The following PDE4B variants were observed in gnomAD, a reference collection of about 807,000 sequenced individuals.
PDE4B encodes phosphodiesterase 4B, also known as 3',5'-cyclic-AMP phosphodiesterase 4B.
A neutral mutation model predicts 82.2 loss-of-function variants in PDE4B; 20 were observed. The ratio of observed to expected loss-of-function variants is 0.24; its 90% CI spans 0.17 to 0.35. The LOEUF (loss-of-function observed/expected upper bound fraction) is 0.35, where lower values mean the gene tolerates loss of function less well. Ranked by LOEUF, PDE4B falls within the 10% of genes least tolerant of loss-of-function variation. PDE4B has a pLI of 1.00. For missense variants in PDE4B, 655 were observed against 907.2 expected (o/e 0.72, Z 3.57); for synonymous variants, 320 against 318.9 (o/e 1.00, Z -0.04).
intron 3 of PDE4B, among the ~76,000 whole-genome samples, chr1:66,203,186 T>G (rs1017650059): frequency 4.9e-4 from 75 of 152,156 alleles, no homozygotes; most frequent in East Asian, 5.8e-4. Flanking sequence ...CCCACTGTCT[T>G]CTGGCTTGTA....
intron 8 of PDE4B, among the ~76,000 whole-genome samples, chr1:66,340,572 T>C (rs566179801): frequency 6.6e-6 from 1 of 152,294 alleles, no homozygotes; most frequent in Non-Finnish European, 1.5e-5. Flanking sequence ...TTTCATCTTC[T>C]AATTTTTTTA....
chr1:66,104,798 C>A (rs1322692200), intron 3 of PDE4B, among the ~76,000 whole-genome samples: 1 of 149,300 alleles, frequency 6.7e-6, no homozygotes, highest in Non-Finnish European at 1.5e-5. Context: ...TTGTTTTTTT[C>A]TTGTACATTT....
At chr1:66,097,799 C>T (rs1044576868) in intron 3 of PDE4B, among the ~76,000 whole-genome samples, 17 of 149,690 alleles carry the variant, frequency 1.1e-4, no homozygotes, top group African/African-American at 3.4e-4. Context: ...TGTTTATTGT[C>T]CTCGTTTTTC....
At chr1:66,152,633 TAC>T (rs141660761) in intron 3 of PDE4B, 5,217 of 143,600 alleles carry the variant, frequency 0.036, 258 homozygotes, top group African/African-American at 0.11. Context: ...TATATGTGTA[TAC>T]ACACACACAC....
intron 3 of PDE4B, among the ~76,000 whole-genome samples, chr1:66,009,905 T>TTATC (rs80200150): frequency 2.5e-4 from 33 of 130,472 alleles, no homozygotes; most frequent in African/African-American, 8.8e-4. Flanking sequence ...ATCTGTATCT[T>TTATC]TATCTATCTA....
At chr1:66,229,167 C>T (rs889238943) in intron 3 of PDE4B, among the ~76,000 whole-genome samples, 3 of 107,082 alleles carry the variant, frequency 2.8e-5, no homozygotes, top group African/African-American at 4.1e-5. Context: ...ACCACCATGC[C>T]CGGCTAATTT....
intron 3 of PDE4B, among the ~76,000 whole-genome samples, chr1:65,986,364 T>G (rs995703805): frequency 2.6e-5 from 4 of 152,200 alleles, no homozygotes; most frequent in Non-Finnish European, 5.9e-5. Flanking sequence ...ACTCTTCTTA[T>G]GGAAGTTGAG....
At chr1:66,106,614 G>A (rs1291442882) in intron 3 of PDE4B, among the ~76,000 whole-genome samples, 2 of 151,588 alleles carry the variant, frequency 1.3e-5, no homozygotes, top group Admixed American at 1.3e-4. Context: ...CACAATTTCA[G>A]AGCCTGTTAT....
At chr1:66,332,486 A>G (rs1221797483) in intron 7 of PDE4B, 22 bp from the exon 8 acceptor site, 4 of 1,614,140 alleles carry the variant, frequency 2.5e-6, no homozygotes, top group African/African-American at 1.3e-5. Flanking sequence ...GCCTAACTAC[A>G]TGCCTGTGTG....
chr1:66,237,870 G>C (rs1221034399), intron 3 of PDE4B, among the ~76,000 whole-genome samples: 1 of 152,168 alleles, frequency 6.6e-6, no homozygotes, highest in African/African-American at 2.4e-5. Flanking sequence ...TATGTCCCAG[G>C]AAAGTGCCAG....
chr1:66,206,135 C>T (rs1649531453), intron 3 of PDE4B, among the ~76,000 whole-genome samples: 1 of 152,226 alleles, frequency 6.6e-6, no homozygotes, highest in African/African-American at 2.4e-5. Flanking sequence ...TACTGCTCCT[C>T]ACCATGGCCT....
chr1:65,989,893 A>T (rs200455620), intron 3 of PDE4B, among the ~76,000 whole-genome samples: 201 of 142,464 alleles, frequency 1.4e-3, no homozygotes, highest in Middle Eastern at 3.6e-3. Context: ...AAAGTGTCTC[A>T]TTTTTTTTTT....
chr1:66,332,219 A>G, intron 7 of PDE4B: 2 of 1,442,840 alleles, frequency 1.4e-6, no homozygotes, highest in Non-Finnish European at 1.8e-6. Context: ...AGCTTATAAG[A>G]GACCGTTCCC....
chr1:66,144,329 G>A (rs1570335302), intron 3 of PDE4B, among the ~76,000 whole-genome samples: 1 of 152,172 alleles, frequency 6.6e-6, no homozygotes, highest in East Asian at 1.9e-4. Context: ...AAAGGTATAT[G>A]ATGAGACCCT....
intron 8 of PDE4B, among the ~76,000 whole-genome samples, chr1:66,346,516 A>C (rs1034267381): frequency 1.1e-4 from 16 of 152,172 alleles, no homozygotes; most frequent in African/African-American, 3.1e-4. Flanking sequence ...TGCTTCATCT[A>C]TCTTTCTGGC....
intron 3 of PDE4B, among the ~76,000 whole-genome samples, chr1:66,168,051 C>T (rs773595879): frequency 2.0e-5 from 3 of 152,164 alleles, no homozygotes; most frequent in Non-Finnish European, 4.4e-5. Flanking sequence ...TCACTCTGAC[C>T]CAAAATATTA....
chr1:65,860,460 G>C (rs1044537051), intron 1 of PDE4B, among the ~76,000 whole-genome samples: 15 of 152,156 alleles, frequency 9.9e-5, no homozygotes, highest in Non-Finnish European at 1.5e-5. Context: ...TGGGCATTTG[G>C]GTTGGTTCGA....
At chr1:66,250,015 TG>T (rs1314909588) in intron 4 of PDE4B, among the ~76,000 whole-genome samples, 1 of 152,246 alleles carries the variant, frequency 6.6e-6, no homozygotes, top group Non-Finnish European at 1.5e-5. Flanking sequence ...CACAACACGC[TG>T]AGAAGTAGAG....
chr1:65,828,379 G>T (rs1035202146), intron 1 of PDE4B, among the ~76,000 whole-genome samples: 2 of 151,966 alleles, frequency 1.3e-5, no homozygotes. Flanking sequence ...TCGAGTAGCT[G>T]GGATTCCAGG....
Sources: gnomAD v4.1 joint callset for allele counts (sites outside exome capture counted in the v4.1 genomes callset) on GRCh38, gnomAD v4.1.1 for gene constraint, MANE v1.5 for transcripts, NCBI Gene and HGNC (gene_info 2026-07-23, HGNC 2026-07-21) for gene names.